PDE2A: variants seen among roughly 807,000 people sequenced by gnomAD.
The protein encoded by PDE2A is phosphodiesterase 2A, also known as cGMP-dependent 3',5'-cyclic phosphodiesterase.
In PDE2A, 53 loss-of-function variants were observed where a neutral mutation model predicts 133.6. The observed-to-expected ratio is 0.40, with a 90% CI of 0.32 to 0.50. The LOEUF (loss-of-function observed/expected upper bound fraction) is 0.50. Ranked by LOEUF, PDE2A falls within the 20% of genes least tolerant of loss-of-function variation. PDE2A has a pLI of 0.73. For synonymous variants in PDE2A, 491 were observed against 490.2 expected (o/e 1.00, Z -0.02); for missense variants, 796 against 1,232.4 (o/e 0.65, Z 5.30).
intron 2 of PDE2A, among the ~76,000 whole-genome samples, chr11:72,624,689 GGT>G (rs1184968421): frequency 3.0e-4 from 45 of 152,322 alleles, no homozygotes; most frequent in African/African-American, 1.1e-3. Context: ...TCACACACGT[GGT>G]AGCATGCAAT....
chr11:72,642,466 C>CG (rs1279112872), intron 1 of PDE2A, 140 bp from the exon 2 acceptor site: 1 of 926,588 alleles, frequency 1.1e-6, no homozygotes, highest in Admixed American at 5.9e-5. Context: ...CGAGTGTCCG[C>CG]CCCGGCCCCG....
chr11:72,667,869 T>TA (rs10636062), intron 1 of PDE2A, among the ~76,000 whole-genome samples: 10,717 of 133,244 alleles, frequency 0.08, 563 homozygotes, highest in Middle Eastern at 0.17. Flanking sequence ...CTGTCTCTAT[T>TA]AAAAAAAAAA....
At chr11:72,606,727 G>A (rs942096339) in intron 3 of PDE2A, among the ~76,000 whole-genome samples, 1 of 152,164 alleles carries the variant, frequency 6.6e-6, no homozygotes, top group Admixed American at 6.5e-5. Context: ...GAGTTATTTG[G>A]CCCAAAGAGG....
intron 1 of PDE2A, among the ~76,000 whole-genome samples, chr11:72,662,276 C>G (rs1211211744): frequency 6.6e-6 from 1 of 152,118 alleles, no homozygotes; most frequent in Non-Finnish European, 1.5e-5. Flanking sequence ...GTTGGCTGCC[C>G]AGGCCCAGAG....
chr11:72,600,132 G>A (rs543673228), intron 4 of PDE2A, among the ~76,000 whole-genome samples: 2 of 152,318 alleles, frequency 1.3e-5, no homozygotes, highest in South Asian at 2.1e-4. Flanking sequence ...CAGGGGCCAG[G>A]GCCCTATGGA....
intron 4 of PDE2A, among the ~76,000 whole-genome samples, chr11:72,604,225 C>A (rs1303858036): frequency 6.6e-6 from 1 of 152,224 alleles, no homozygotes; most frequent in Non-Finnish European, 1.5e-5. Flanking sequence ...GCATGCCTGC[C>A]CCCAAGGTTT....
At position 72,589,176 on chromosome 11, in the gene PDE2A, G is replaced by A; in HGVS notation, c.938C>T (p.Ser313Phe). ...KKSIQLKDLTSEDVQQLQSML... is the reference protein window; with the variant it reads ...KKSIQLKDLTFEDVQQLQSML... ...TGGGTCAGCCAGGCCATGACTTACG[G>A]AGGTGAGGTCCTTCAGCTGGATGGA... The change falls in exon 12 of 31, where the codon TCC (serine) becomes TTC (phenylalanine). Residue 313 changes from serine to phenylalanine, a missense_variant and splice_region_variant. Physicochemically the swap from Ser to Phe is radical, Grantham distance 155. Around this residue, in one of 7 missense-constraint regions of PDE2A, gnomAD observed 417 missense variants for 475.3 expected, o/e 0.88. Transcript: ENST00000334456. The A allele has an allele frequency of 1.2e-6, 2 of 1,613,040 alleles. No homozygotes were observed. Among genetic ancestry groups the A allele is most frequent in the Non-Finnish European group, 1.7e-6 (2 of 1,179,202 alleles).
At chr11:72,618,998 C>G (rs193285088) in intron 2 of PDE2A, among the ~76,000 whole-genome samples, 1 of 152,208 alleles carries the variant, frequency 6.6e-6, no homozygotes, top group Non-Finnish European at 1.5e-5. Flanking sequence ...CTCCTACTTT[C>G]CTTCCTCACA....
intron 2 of PDE2A, among the ~76,000 whole-genome samples, chr11:72,618,327 T>C (rs1857579212): frequency 6.6e-6 from 1 of 152,214 alleles, no homozygotes; most frequent in Admixed American, 6.5e-5. Context: ...TCCTGCACTG[T>C]GGTGTCCTCT....
intron 2 of PDE2A, among the ~76,000 whole-genome samples, chr11:72,619,578 T>C (rs1258509678): frequency 6.6e-6 from 1 of 152,170 alleles, no homozygotes; most frequent in Non-Finnish European, 1.5e-5. Context: ...GGAGTGACCA[T>C]GTGGGCCTGC....
At position 72,584,949 on chromosome 11, in the gene PDE2A, G is replaced by A. The variant is rs768627091; in HGVS notation, c.1287-5C>T. ...TCCAGCAGGAACACAGAGCAGCTGT[G>A]GAGGGAGGGGTTTGGTCCTCTGGGG... On this transcript the variant is annotated splice_polypyrimidine_tract_variant and splice_region_variant and intron_variant, in intron 16 of 30. Transcript: ENST00000334456. The A allele has an allele frequency of 1.7e-5, 28 of 1,614,000 alleles. No individual in the cohort carries two copies. In the East Asian group the frequency reaches 6.0e-4, roughly 35 times the overall value.
intron 2 of PDE2A, among the ~76,000 whole-genome samples, chr11:72,609,851 A>G (rs1269734952): frequency 6.6e-6 from 1 of 151,962 alleles, no homozygotes; most frequent in Non-Finnish European, 1.5e-5. Context: ...ACATGATATG[A>G]GGTTGAGGGT....
Position 72,578,830 on chromosome 11 carries a change from G to T in PDE2A, c.2469+67C>A. 1.1e-6 allele frequency: 1 copy of T among 949,492 alleles called. No homozygotes were observed. The highest frequency in any genetic ancestry group is 1.7e-6 in the Non-Finnish European group (1 of 584,340). 58.8% of individuals were successfully genotyped at this position (949,492 alleles called of 1,614,324 possible). The stretch of plus-strand genomic sequence containing the variant: ...AGCTGAGCAGAGAGAGGGTATTCAG[G>T]CACAGGGGGCACCCAAAGCTGGGCA... On this transcript the variant is annotated intron_variant, in intron 28 of 30. Coordinates refer to ENST00000334456, the MANE Select transcript of PDE2A (RefSeq NM_002599.5). This position sits in a 1 kb window ranked among gnomAD's most constrained non-coding sequence, Gnocchi z 4.2.
In PDE2A at chr11:72,579,160, C is replaced by G. The variant is rs988242434; in HGVS notation, c.2356+124G>C. On this transcript the variant is annotated intron_variant, in intron 27 of 30. Transcript: ENST00000334456. ...CAGTGCTGGGTCTGCCTGGGGGGGG[C>G]CGTGCAGCCAGAGAAGGGTTGATGT... 2.1e-5 allele frequency: 20 copies of G among 936,986 alleles called. No individual in the cohort carries two copies. The Admixed American group carries it at 3.2e-4, about 15-fold the overall frequency. 58.0% of individuals were successfully genotyped at this position (936,986 alleles called of 1,614,324 possible). A position where few individuals can be genotyped will look rare whatever the true frequency, so the allele number is the denominator to read the frequency against.
intron 13 of PDE2A, 94 bp from the exon 14 acceptor site, chr11:72,586,275 T>A: frequency 2.6e-6 from 2 of 760,822 alleles, no homozygotes; most frequent in Admixed American, 2.0e-5. Flanking sequence ...CCCACAGGGG[T>A]ACCCACCTGC....
At chr11:72,639,699 C>T (rs1030913165) in intron 2 of PDE2A, among the ~76,000 whole-genome samples, 4 of 152,162 alleles carry the variant, frequency 2.6e-5, no homozygotes, top group African/African-American at 9.7e-5. Flanking sequence ...CATTGCCTGC[C>T]GCCCGCCTGT....
intron 1 of PDE2A, chr11:72,652,405 C>T: frequency 4.6e-6 from 2 of 433,728 alleles, no homozygotes; most frequent in Non-Finnish European, 9.2e-6. Flanking sequence ...TGACATGGCA[C>T]CCAGCTTGGC....
chr11:72,634,266 G>T (rs1341279963), intron 2 of PDE2A, among the ~76,000 whole-genome samples: 1 of 152,152 alleles, frequency 6.6e-6, no homozygotes, highest in African/African-American at 2.4e-5. Flanking sequence ...GGACAATGGA[G>T]CCTTGTGGAG....
chr11:72,597,668 A>G lies in PDE2A; in HGVS notation c.324-49T>C. 7.8e-7 allele frequency: 1 copy of G among 1,288,864 alleles called. No individual in the cohort carries two copies. Among genetic ancestry groups the G allele is most frequent in the Non-Finnish European group, 1.1e-6 (1 of 896,674 alleles). The allele number at this position is 1,288,864 out of a possible 1,614,324, so 79.8% of individuals were successfully genotyped here. A position where few individuals can be genotyped will look rare whatever the true frequency, so the allele number is the denominator to read the frequency against. On this transcript the variant is annotated intron_variant, in intron 4 of 30. Transcript: ENST00000334456. The surrounding 1 kb of genome is among the most constrained non-coding windows in gnomAD (Gnocchi z 4.6). ...CTTGAGAGCCCCCGACTCAGGGAGG[A>G]ACGAGGCCTGGCCTGGGAACACAGG...
Sources: gnomAD v4.1 joint callset for allele counts (sites outside exome capture counted in the v4.1 genomes callset) on GRCh38, gnomAD v4.1.1 for gene constraint, gnomAD v4.1.1 regional missense constraint, Gnocchi (gnomAD v3.1) non-coding constraint, MANE v1.5 for transcripts, NCBI Gene and HGNC (gene_info 2026-07-23, HGNC 2026-07-21) for gene names.